GRIP1: variants seen among roughly 807,000 people sequenced by gnomAD.
GRIP1 encodes glutamate receptor-interacting protein 1.
In GRIP1, 45 loss-of-function variants were observed where a neutral mutation model predicts 129.9. The observed-to-expected ratio is 0.35, with a 90% confidence interval of 0.27 to 0.44. The LOEUF (loss-of-function observed/expected upper bound fraction) is 0.44, where lower values mean the gene tolerates loss of function less well. Among genes scored for constraint, GRIP1 ranks in the 20% least tolerant of loss-of-function variants. GRIP1 has a pLI of 1.00. For missense variants in GRIP1, 1,196 were observed against 1,396.8 expected (o/e 0.86, Z 2.29); for synonymous variants, 530 against 520.8 (o/e 1.02, Z -0.24).
intron 1 of GRIP1, among the ~76,000 whole-genome samples, chr12:66,612,837 T>C (rs1399118289): frequency 2.0e-5 from 3 of 152,126 alleles, no homozygotes; most frequent in Non-Finnish European, 2.9e-5. Context: ...CCTAGGGAAT[T>C]TGATAAACAT....
intron 1 of GRIP1, among the ~76,000 whole-genome samples, chr12:66,782,720 G>C (rs145502441): frequency 1.3e-5 from 2 of 152,246 alleles, no homozygotes; most frequent in Non-Finnish European, 2.9e-5. Flanking sequence ...CTTGACTCAT[G>C]AAAGATTTTT....
At chr12:67,013,454 C>T (rs2042738688) in intron 1 of GRIP1, among the ~76,000 whole-genome samples, 2 of 152,062 alleles carry the variant, frequency 1.3e-5, no homozygotes, top group South Asian at 2.1e-4. Context: ...TTCTTAATTA[C>T]CTCATCTATC....
At chr12:66,728,743 C>G (rs12228287) in intron 1 of GRIP1, among the ~76,000 whole-genome samples, 6,435 of 152,218 alleles carry the variant, frequency 0.042, 247 homozygotes, top group East Asian at 0.19. Context: ...AGGTTATAGT[C>G]TCACAGCCTG....
chr12:67,029,983 G>A (rs372666386), intron 1 of GRIP1, among the ~76,000 whole-genome samples: 1 of 150,824 alleles, frequency 6.6e-6, no homozygotes, highest in African/African-American at 2.4e-5. Context: ...GGTGGATCAC[G>A]AGGTCAGGAG....
chr12:67,055,743 T>C (rs1325357879), intron 1 of GRIP1, among the ~76,000 whole-genome samples: 1 of 152,212 alleles, frequency 6.6e-6, no homozygotes, highest in African/African-American at 2.4e-5. Flanking sequence ...TGTTTTTATA[T>C]GATTATGAGA....
At chr12:66,580,550 A>G (rs1258247514) in intron 2 of GRIP1, among the ~76,000 whole-genome samples, 28 of 151,916 alleles carry the variant, frequency 1.8e-4, no homozygotes, top group African/African-American at 6.5e-4. Context: ...TCAAAATAAA[A>G]GGATGGAGGA....
chr12:67,060,114 C>T (rs1427296308), intron 1 of GRIP1, among the ~76,000 whole-genome samples: 1 of 151,852 alleles, frequency 6.6e-6, no homozygotes, highest in Admixed American at 6.6e-5. Flanking sequence ...CCTAATACCG[C>T]CACCACTTTC....
chr12:66,829,316 T>C (rs965972488), intron 1 of GRIP1, among the ~76,000 whole-genome samples: 1 of 151,836 alleles, frequency 6.6e-6, no homozygotes, highest in Non-Finnish European at 1.5e-5. Context: ...CCAGCAGCCA[T>C]CAAAAACTGG....
intron 1 of GRIP1, among the ~76,000 whole-genome samples, chr12:66,614,106 C>T (rs2139905290): frequency 6.6e-6 from 1 of 152,204 alleles, no homozygotes; most frequent in Non-Finnish European, 1.5e-5. Context: ...TCTCCTCTTC[C>T]TTTTTCAGAC....
At chr12:66,501,178 A>T (rs778045408) in intron 7 of GRIP1, among the ~76,000 whole-genome samples, 6 of 152,206 alleles carry the variant, frequency 3.9e-5, no homozygotes, top group Non-Finnish European at 5.9e-5. Flanking sequence ...AACAAGTAGT[A>T]AAATAGTTTA....
chr12:66,933,143 A>T (rs1328397632), intron 1 of GRIP1, among the ~76,000 whole-genome samples: 1 of 152,122 alleles, frequency 6.6e-6, no homozygotes, highest in East Asian at 1.9e-4. Context: ...AAGCAAACTA[A>T]CTCTTGCTGA....
chr12:66,442,667 G>A (rs1352881803), intron 13 of GRIP1, among the ~76,000 whole-genome samples: 1 of 151,980 alleles, frequency 6.6e-6, no homozygotes, highest in Non-Finnish European at 1.5e-5. Flanking sequence ...GAGTAGCTGG[G>A]ACTACAGGCA....
intron 19 of GRIP1, among the ~76,000 whole-genome samples, chr12:66,389,484 TC>T (rs759971778): frequency 6.6e-6 from 1 of 152,110 alleles, no homozygotes; most frequent in Non-Finnish European, 1.5e-5. Context: ...CACCTCAGCC[TC>T]CCAAAGTGCT....
At chr12:66,574,736 C>T (rs1332465553) in intron 2 of GRIP1, among the ~76,000 whole-genome samples, 2 of 152,060 alleles carry the variant, frequency 1.3e-5, no homozygotes, top group African/African-American at 2.4e-5. Flanking sequence ...GTCAACTCCA[C>T]TCTACTTGTC....
intron 1 of GRIP1, among the ~76,000 whole-genome samples, chr12:66,959,001 G>T (rs2041884436): frequency 6.6e-6 from 1 of 152,130 alleles, no homozygotes; most frequent in Admixed American, 6.5e-5. Context: ...CTTTATAGTT[G>T]TAATTTATTC....
At chr12:66,430,254 T>G (rs1428673937) in intron 14 of GRIP1, among the ~76,000 whole-genome samples, 1 of 152,184 alleles carries the variant, frequency 6.6e-6, no homozygotes, top group Non-Finnish European at 1.5e-5. Flanking sequence ...TCTGGCAAAA[T>G]ATGAGTATTT....
intron 1 of GRIP1, among the ~76,000 whole-genome samples, chr12:67,004,320 T>C (rs73317169): frequency 0.019 from 2,931 of 152,246 alleles, 100 homozygotes; most frequent in African/African-American, 0.067. Flanking sequence ...TGCAGGCAGA[T>C]ACTACATTTT....
intron 22 of GRIP1, among the ~76,000 whole-genome samples, chr12:66,375,271 C>T (rs1345298116): frequency 6.6e-6 from 1 of 152,100 alleles, no homozygotes; most frequent in Non-Finnish European, 1.5e-5. Flanking sequence ...TAAAACTATA[C>T]ATTTTTCGGT....
chr12:66,979,999 C>T (rs187223535), intron 1 of GRIP1, among the ~76,000 whole-genome samples: 56 of 152,148 alleles, frequency 3.7e-4, no homozygotes, highest in African/African-American at 1.3e-3. Flanking sequence ...TTTGTATAGC[C>T]CTAGGAAGCA....
Sources: allele counts gnomAD v4.1 joint callset (sites outside exome capture counted in the v4.1 genomes callset), GRCh38; gene constraint gnomAD v4.1.1; transcripts MANE v1.5; gene names NCBI Gene and HGNC (gene_info 2026-07-23, HGNC 2026-07-21).